Variants in ANXA7 observed in about 807,000 individuals in gnomAD.
The protein encoded by ANXA7 is annexin A7, also known as annexin VII.
A neutral mutation model predicts 64.9 loss-of-function variants in ANXA7; 55 were observed. That is an observed-to-expected ratio of 0.85 (90% CI 0.68 to 1.06). The LOEUF (loss-of-function observed/expected upper bound fraction) is 1.06. Ranked by LOEUF, ANXA7 falls within the 50% of genes least tolerant of loss-of-function variation. The pLI, the probability that ANXA7 is intolerant of heterozygous loss-of-function variation, is 0.00. For synonymous variants in ANXA7, 200 were observed against 192.4 expected (o/e 1.04, Z -0.33); for missense variants, 548 against 582.1 (o/e 0.94, Z 0.60).
chr10:73,375,133 T>C lies in ANXA7; in HGVS notation c.*962A>G, dbSNP rs2055150202. ...TACCATTTATACGTGGAATCTAAAA[T>C]AGCTGAACTTAAACACAGTGGTGGT... is the stretch of plus-strand genomic sequence containing the variant. On this transcript the variant is annotated 3_prime_UTR_variant, in exon 13 of 13. Transcript: ENST00000372921. 1 of 151,620 alleles carries C rather than the reference T, an allele frequency of 6.6e-6. No individual in the cohort carries two copies. The highest frequency in any genetic ancestry group is 2.1e-4 in the South Asian group (1 of 4,828). 9.4% of individuals were successfully genotyped at this position (151,620 alleles called of 1,614,324 possible). A position where few individuals can be genotyped will look rare whatever the true frequency, so the allele number is the denominator to read the frequency against.
intron 9 of ANXA7, 23 bp downstream of exon 9, chr10:73,383,152 A>G (rs1293842694): frequency 6.3e-7 from 1 of 1,577,724 alleles, no homozygotes; most frequent in Non-Finnish European, 8.6e-7. Flanking sequence ...CTATCAACGC[A>G]CAAGCATTCA....
chr10:73,391,004 T>C (rs1414269144), intron 5 of ANXA7, among the ~76,000 whole-genome samples: 2 of 148,790 alleles, frequency 1.3e-5, no homozygotes, highest in African/African-American at 5.0e-5. Flanking sequence ...ACCCTGTCTC[T>C]ACTACAAATA....
chr10:73,376,096 T>C lies in ANXA7; in HGVS notation c.1400A>G (p.Ter467TrpextTer7), dbSNP rs2055164718. 3.8e-6 allele frequency: 6 copies of C among 1,568,674 alleles called. No homozygotes were observed. Among genetic ancestry groups the C allele is most frequent in the Non-Finnish European group, 5.2e-6 (6 of 1,163,238 alleles). The change falls in exon 13 of 13, where the codon TAG (stop) becomes TGG (tryptophan). Residue 467 changes from the stop codon to tryptophan, a stop_lost. Transcript: ENST00000372921. ...RRLLLAIVGQ[*>W] Reference sequence around the variant, plus strand: ...TCATTAAAAAAAAAAAAATCCCTCCTACTGGCCCACAATAGCCAGAAGAAG... The same window carrying C: ...TCATTAAAAAAAAAAAAATCCCTCCCACTGGCCCACAATAGCCAGAAGAAG...
intron 5 of ANXA7, among the ~76,000 whole-genome samples, chr10:73,390,695 T>TATATATATATATATATATATATAAAA (rs2055459283): frequency 2.6e-5 from 3 of 113,280 alleles, no homozygotes; most frequent in African/African-American, 4.0e-5. Context: ...TTTTGTAAAA[T>TATATATATATATATATATATATAAAA]ATATATATAT....
chr10:73,379,999 A>T (rs374401791), intron 10 of ANXA7, 32 bp downstream of exon 10: 279 of 1,612,178 alleles, frequency 1.7e-4, no homozygotes, highest in Non-Finnish European at 2.2e-4. Context: ...ATCTTACAGC[A>T]GAAGCCAAAT....
intron 1 of ANXA7, among the ~76,000 whole-genome samples, chr10:73,406,760 G>T (rs757448595): frequency 6.6e-6 from 1 of 151,740 alleles, no homozygotes; most frequent in Non-Finnish European, 1.5e-5. Context: ...TAGTAAAGAC[G>T]GGGTTTCGCC....
chr10:73,388,223 T>C (rs2055409740), intron 6 of ANXA7, 89 bp downstream of exon 6: 3 of 935,652 alleles, frequency 3.2e-6, no homozygotes, highest in Admixed American at 2.0e-5. Flanking sequence ...GGCTGACACA[T>C]AAACTTGGGT....
Position 73,398,068 on chromosome 10 carries a change from C to G in ANXA7, c.259+113G>C, listed in dbSNP as rs1010198108. On this transcript the variant is annotated intron_variant, in intron 3 of 12. Coordinates refer to ENST00000372921, the MANE Select transcript of ANXA7 (RefSeq NM_001156.5). ...GCTAGGTCCTTACTACCTAAGGTTA[C>G]CTAAGAGCGACTTGACCTTATACAA... The G allele has an allele frequency of 5.3e-5, 57 of 1,075,792 alleles. No individual in the cohort carries two copies. The African/African-American group carries it at 8.7e-4, about 16-fold the overall frequency. The allele number at this position is 1,075,792 out of a possible 1,614,324, so 66.6% of individuals were successfully genotyped here. A position where few individuals can be genotyped will look rare whatever the true frequency, so the allele number is the denominator to read the frequency against.
At chr10:73,401,106 A>C (rs2055656700) in intron 1 of ANXA7, among the ~76,000 whole-genome samples, 2 of 152,092 alleles carry the variant, frequency 1.3e-5, no homozygotes, top group South Asian at 4.1e-4. Context: ...GAGTTTCACC[A>C]TGTTGGCCAG....
intron 2 of ANXA7, 88 bp downstream of exon 2, chr10:73,400,715 T>G: frequency 1.9e-6 from 2 of 1,078,718 alleles, no homozygotes; most frequent in Non-Finnish European, 2.7e-6. Flanking sequence ...TTATGACCCC[T>G]GCTCAAGCAT....
chr10:73,377,926 T>A (rs868175503), intron 12 of ANXA7, among the ~76,000 whole-genome samples: 406 of 146,602 alleles, frequency 2.8e-3, no homozygotes, highest in African/African-American at 9.8e-3. Context: ...TGTGTGTGTG[T>A]GTGTGCGCGC....
chr10:73,389,330 C>T (rs763466933), intron 5 of ANXA7, among the ~76,000 whole-genome samples: 2 of 152,136 alleles, frequency 1.3e-5, no homozygotes, highest in Non-Finnish European at 2.9e-5. Flanking sequence ...ACTTAAGAGA[C>T]ATGACAATAA....
intron 1 of ANXA7, among the ~76,000 whole-genome samples, chr10:73,407,020 A>G (rs1387780220): frequency 6.6e-6 from 1 of 152,078 alleles, no homozygotes; most frequent in Non-Finnish European, 1.5e-5. Flanking sequence ...CACCCCTCCT[A>G]TCTAGCTCAA....
chr10:73,376,111 G>T lies in ANXA7; in HGVS notation c.1385C>A (p.Ala462Asp). Residue 462 changes from alanine to aspartate, a missense_variant, in exon 13 of 13, where the codon GCT becomes GAT. Transcript: ENST00000372921. ...AAATCCCTCCTACTGGCCCACAATAGCCAGAAGAAGTCTTCGGTAATCTCC... is the reference window on the plus strand; with the variant it reads ...AAATCCCTCCTACTGGCCCACAATATCCAGAAGAAGTCTTCGGTAATCTCC... The part of the protein sequence containing the change: ...TSGDYRRLLL[A>D]IVGQ 2 of 1,586,902 alleles carry T rather than the reference G, an allele frequency of 1.3e-6. No homozygotes were observed. Among genetic ancestry groups the T allele is most frequent in the South Asian group, 1.2e-5 (1 of 83,842 alleles).
chr10:73,399,464 A>G (rs2055625185), intron 2 of ANXA7, among the ~76,000 whole-genome samples: 1 of 152,170 alleles, frequency 6.6e-6, no homozygotes, highest in Admixed American at 6.5e-5. Flanking sequence ...ATTATCATAA[A>G]CTTGTATAGA....
chr10:73,377,135 A>G (rs2055182834), intron 12 of ANXA7, among the ~76,000 whole-genome samples: 1 of 152,242 alleles, frequency 6.6e-6, no homozygotes, highest in South Asian at 2.1e-4. Flanking sequence ...CTACTTAAAA[A>G]TGGTAAATTT....
intron 12 of ANXA7, among the ~76,000 whole-genome samples, chr10:73,377,848 T>TGC (rs1271798944): frequency 6.7e-6 from 1 of 150,132 alleles, no homozygotes; most frequent in Non-Finnish European, 1.5e-5. Context: ...TGTGTGTGTG[T>TGC]GTGTATTTTT....
intron 5 of ANXA7, among the ~76,000 whole-genome samples, chr10:73,390,716 ATAT>A (rs2055462836): frequency 3.5e-5 from 4 of 114,942 alleles, no homozygotes; most frequent in African/African-American, 1.6e-4. Context: ...ATATATATAT[ATAT>A]AAAAATATAT....
intron 1 of ANXA7, among the ~76,000 whole-genome samples, chr10:73,402,829 CTT>C (rs113465435): frequency 4.8e-5 from 7 of 144,610 alleles, no homozygotes; most frequent in East Asian, 2.0e-4. Context: ...AACTCTGTTT[CTT>C]TTTTTTTTTT....
Sources: allele counts gnomAD v4.1 joint callset (sites outside exome capture counted in the v4.1 genomes callset), GRCh38; gene constraint gnomAD v4.1.1; transcripts MANE v1.5; gene names NCBI Gene and HGNC (gene_info 2026-07-23, HGNC 2026-07-21).